The following IPMK variants were observed in gnomAD, a reference collection of about 807,000 sequenced individuals.
The protein encoded by IPMK is inositol 1,3,4,6-tetrakisphosphate 5-kinase.
Under a neutral mutation model 45.8 loss-of-function variants are expected in IPMK, and 17 were observed. The observed-to-expected ratio is 0.37, with a 90% CI of 0.25 to 0.56. IPMK has a LOEUF of 0.56. Ranked by LOEUF, IPMK falls within the 20% of genes least tolerant of loss-of-function variation. The probability of loss-of-function intolerance (pLI) is 0.79; values close to 1 mark genes in which losing one functional copy is unlikely to be tolerated. For synonymous variants in IPMK, 180 were observed against 184.3 expected, an observed-to-expected ratio of 0.98 and a Z score of 0.19; for missense variants, 399 against 498.0, an observed-to-expected ratio of 0.80 and a Z score of 1.89.
chr10:58,260,067 A>C (rs934640229), intron 1 of IPMK, among the ~76,000 whole-genome samples: 14 of 152,316 alleles, frequency 9.2e-5, no homozygotes, highest in African/African-American at 3.4e-4. Context: ...CAGGTGATCA[A>C]AGTTACATCA....
At chr10:58,203,129 AG>A (rs1236596213) in intron 4 of IPMK, among the ~76,000 whole-genome samples, 1 of 152,182 alleles carries the variant, frequency 6.6e-6, no homozygotes, top group Non-Finnish European at 1.5e-5. Context: ...GGAGTTTGGA[AG>A]AAGTTAATTC....
intron 2 of IPMK, among the ~76,000 whole-genome samples, chr10:58,237,169 A>C (rs997175481): frequency 2.6e-5 from 4 of 152,220 alleles, no homozygotes; most frequent in Non-Finnish European, 5.9e-5. Flanking sequence ...AATCAACTGC[A>C]TCAATGAGAT....
Position 58,195,811 on chromosome 10 carries a change from G to C in IPMK, c.*265C>G. 3.0e-6 allele frequency: 1 copy of C among 337,354 alleles called. No individual in the cohort carries two copies. The highest frequency in any genetic ancestry group is 5.4e-6 in the Non-Finnish European group (1 of 185,950). The allele number at this position is 337,354 out of a possible 1,614,324, so 20.9% of individuals were successfully genotyped here. A position where few individuals can be genotyped will look rare whatever the true frequency, so the allele number is the denominator to read the frequency against. On this transcript the variant is annotated 3_prime_UTR_variant, in exon 6 of 6. Transcript: ENST00000373935. The stretch of plus-strand genomic sequence containing the variant: ...GAATAATGGTTTGCATTTTGCTTGA[G>C]CCAAAAAAGATGTTTAAGCCATGTA...
At position 58,195,063 on chromosome 10, in the gene IPMK, T is replaced by C. The variant is rs888544347; in HGVS notation, c.*1013A>G. The C allele has an allele frequency of 3.3e-5, 5 of 152,038 alleles. No homozygotes were observed. Among genetic ancestry groups the C allele is most frequent in the African/African-American group, 1.2e-4 (5 of 41,442 alleles). The allele number at this position is 152,038 out of a possible 1,614,324, so 9.4% of individuals were successfully genotyped here. ...ACTAATTTACACACAGTATTTTTGATAACAACCTAATTAGATATTGTCTTT... is the reference window on the plus strand; with the variant it reads ...ACTAATTTACACACAGTATTTTTGACAACAACCTAATTAGATATTGTCTTT... On this transcript the variant is annotated 3_prime_UTR_variant, in exon 6 of 6. Coordinates refer to ENST00000373935, the MANE Select transcript of IPMK (RefSeq NM_152230.5).
chr10:58,218,766 A>G (rs961020929), intron 3 of IPMK, among the ~76,000 whole-genome samples: 5 of 152,232 alleles, frequency 3.3e-5, no homozygotes, highest in Non-Finnish European at 7.3e-5. Context: ...TAAGATAAAG[A>G]TAAGAGAAGC....
Position 58,196,505 on chromosome 10 carries a change from T to C in IPMK, c.822A>G (p.Ala274=), listed in dbSNP as rs750816294. ...GTTGTCCTTTGGACAAAAACTTTTC[T>C]GCCAAAGTTCTGTCATTCAATTTTG... ...TTTKLNDRTL[A]EKFLSKGQLS... The change falls in exon 6 of 6, where the codon GCA becomes GCG. Residue 274 remains alanine (A), a synonymous_variant. Coordinates refer to ENST00000373935, the MANE Select transcript of IPMK (RefSeq NM_152230.5). 15 of 1,613,944 alleles carry C rather than the reference T, an allele frequency of 9.3e-6. No homozygotes were observed. Among genetic ancestry groups the C allele is most frequent in the Non-Finnish European group, 1.1e-5 (13 of 1,179,984 alleles).
Position 58,267,520 on chromosome 10 carries a change from C to A in IPMK, c.92G>T (p.Gly31Val), listed in dbSNP as rs760458629. The change falls in exon 1 of 6, where the codon GGC (glycine) becomes GTC (valine). Residue 31 changes from glycine to valine, a missense_variant. By Grantham distance (109) the Gly-to-Val change is moderately radical. Transcript: ENST00000373935. ...TSPAIESTPE[G>V]TPQPAGGRLR... ...TCTGCCGCCCGCCGGCTGCGGGGTG[C>A]CCTCAGGGGTGGACTCGATCGCCGG... 1 of 1,613,138 alleles carries A rather than the reference C, an allele frequency of 6.2e-7. No individual in the cohort carries two copies. Among genetic ancestry groups the A allele is most frequent in the Admixed American group, 1.7e-5 (1 of 59,974 alleles).
Position 58,242,641 on chromosome 10 carries a change from ATAAATAGAAAT to A in IPMK, c.191-4838_191-4828del, listed in dbSNP as rs372000171. On this transcript the variant is annotated intron_variant, in intron 1 of 5. Transcript: ENST00000373935. ...AGAGAATCAGTAAATTTGGTGTCAG[ATAAATAGAAAT>A]TATACAAATTGAAACACAAAGGGAG... 3.7e-3 allele frequency among the ~76,000 whole-genome samples: 565 copies of A among 152,244 alleles called. 1 individual carries two copies. The highest frequency in any genetic ancestry group is 0.013 in the African/African-American group (524 of 41,534).
chr10:58,262,792 A>T (rs1003604093), intron 1 of IPMK, among the ~76,000 whole-genome samples: 1 of 152,254 alleles, frequency 6.6e-6, no homozygotes, highest in Non-Finnish European at 1.5e-5. Context: ...TAAGTTCCAT[A>T]ATGGGTAATG....
In IPMK at chr10:58,195,399, G is replaced by A. The variant is rs1399676666; in HGVS notation, c.*677C>T. 1.3e-5 allele frequency: 2 copies of A among 151,962 alleles called. No homozygotes were observed. The highest frequency in any genetic ancestry group is 2.4e-5 in the African/African-American group (1 of 41,394). 9.4% of individuals were successfully genotyped at this position (151,962 alleles called of 1,614,324 possible). A position where few individuals can be genotyped will look rare whatever the true frequency, so the allele number is the denominator to read the frequency against. ...CCTAACCCCAGTAAGGACAATTAGT[G>A]TGCCCTTAATTTCAAGACTTTGTTG... On this transcript the variant is annotated 3_prime_UTR_variant, in exon 6 of 6. Coordinates refer to ENST00000373935, the MANE Select transcript of IPMK (RefSeq NM_152230.5).
chr10:58,246,054 T>C (rs1020050232), intron 1 of IPMK, among the ~76,000 whole-genome samples: 5 of 130,888 alleles, frequency 3.8e-5, no homozygotes, highest in Admixed American at 7.0e-5. Context: ...CCATTCACAA[T>C]TGCTTCAAAG....
chr10:58,212,429 A>G (rs533960861), intron 4 of IPMK: 61 of 164,554 alleles, frequency 3.7e-4, no homozygotes, highest in African/African-American at 1.4e-3. Context: ...GAAAAGCTCA[A>G]GATGACATCA....
intron 1 of IPMK, among the ~76,000 whole-genome samples, chr10:58,248,315 TGTG>T (rs1378253959): frequency 6.6e-6 from 1 of 152,160 alleles, no homozygotes; most frequent in Non-Finnish European, 1.5e-5. Flanking sequence ...GATGGCAAAC[TGTG>T]TTTTTTAACA....
intron 2 of IPMK, among the ~76,000 whole-genome samples, chr10:58,234,508 C>G (rs190638707): frequency 3.0e-4 from 45 of 152,256 alleles, no homozygotes; most frequent in African/African-American, 1.0e-3. Flanking sequence ...AGAAAGAACA[C>G]CACACATCCA....
At chr10:58,256,788 A>G (rs1022356391) in intron 1 of IPMK, among the ~76,000 whole-genome samples, 2 of 152,234 alleles carry the variant, frequency 1.3e-5, no homozygotes, top group Non-Finnish European at 2.9e-5. Flanking sequence ...GGGAAAATAG[A>G]TAAGAACCTA....
intron 3 of IPMK, among the ~76,000 whole-genome samples, chr10:58,226,609 A>G (rs1838419649): frequency 6.6e-6 from 1 of 152,192 alleles, no homozygotes; most frequent in Non-Finnish European, 1.5e-5. Flanking sequence ...ATTCTCTATG[A>G]AACTTACCAG....
chr10:58,208,816 T>C (rs1838112399), intron 4 of IPMK, among the ~76,000 whole-genome samples: 1 of 152,210 alleles, frequency 6.6e-6, no homozygotes, highest in Non-Finnish European at 1.5e-5. Flanking sequence ...AGAGGGGGTA[T>C]CCCTGCATAG....
intron 4 of IPMK, among the ~76,000 whole-genome samples, chr10:58,200,681 A>G (rs981644163): frequency 6.6e-6 from 1 of 152,246 alleles, no homozygotes; most frequent in African/African-American, 2.4e-5. Flanking sequence ...AGTAACTTGT[A>G]TTCATACCTG....
At position 58,193,845 on chromosome 10, in the gene IPMK, T is replaced by TC. The variant is rs1837851740; in HGVS notation, c.*2230dup. 1 of 151,804 alleles carries TC rather than the reference T, an allele frequency of 6.6e-6. No individual in the cohort carries two copies. The highest frequency in any genetic ancestry group is 2.4e-5 in the African/African-American group (1 of 41,418). The allele number at this position is 151,804 out of a possible 1,614,324, so 9.4% of individuals were successfully genotyped here. On this transcript the variant is annotated 3_prime_UTR_variant, in exon 6 of 6. Transcript: ENST00000373935. ...AAGTGACCGAGAGAGACTAAGATAG[T>TC]CACATGTAGATTAGATAAACAGATA...
Sources: gnomAD v4.1 joint callset for allele counts (sites outside exome capture counted in the v4.1 genomes callset) on GRCh38, gnomAD v4.1.1 for gene constraint, MANE v1.5 for transcripts, NCBI Gene and HGNC (gene_info 2026-07-23, HGNC 2026-07-21) for gene names.